Variants in ZNF512 observed in about 807,000 individuals in gnomAD.
ZNF512 encodes the protein zinc finger protein 512.
A neutral mutation model predicts 77.5 loss-of-function variants in ZNF512; 25 were observed. The observed-to-expected ratio is 0.32, with a 90% CI of 0.23 to 0.45. The LOEUF is 0.45. Among genes scored for constraint, ZNF512 ranks in the 20% least tolerant of loss-of-function variants. ZNF512 has a pLI of 1.00. For missense variants in ZNF512, 483 were observed against 692.6 expected, an observed-to-expected ratio of 0.70 and a Z score of 3.40; for synonymous variants, 246 against 239.9, an observed-to-expected ratio of 1.03 and a Z score of -0.24.
chr2:27,603,339 G>A, intron 9 of ZNF512, 32 bp downstream of exon 9: 1 of 1,608,322 alleles, frequency 6.2e-7, no homozygotes. Context: ...TACCCTGCGT[G>A]GGGATGTATT....
chr2:27,610,542 G>GTATATATATATATATATA (rs1558474726), intron 10 of ZNF512, among the ~76,000 whole-genome samples: 1 of 42,018 alleles, frequency 2.4e-5, no homozygotes, highest in African/African-American at 1.3e-4. Flanking sequence ...ATATATGTGT[G>GTATATATATATATATATA]TGTATATATA....
In ZNF512 at chr2:27,583,269, G is replaced by C. The variant is rs1457763229; in HGVS notation, c.30+127G>C. 5.6e-6 allele frequency: 8 copies of C among 1,427,184 alleles called. No individual in the cohort carries two copies. In the Admixed American group the frequency reaches 1.4e-4, roughly 24 times the overall value. The allele number at this position is 1,427,184 out of a possible 1,614,324, so 88.4% of individuals were successfully genotyped here. A position where few individuals can be genotyped will look rare whatever the true frequency, so the allele number is the denominator to read the frequency against. On this transcript the variant is annotated intron_variant, in intron 1 of 13. Coordinates refer to ENST00000355467, the MANE Select transcript of ZNF512 (RefSeq NM_032434.4). ...GGCCATCGTAGGCCCCACCCTTCTAGATCAGATCACCTGTCCCTTTTTCTT... is the reference window on the plus strand; with the variant it reads ...GGCCATCGTAGGCCCCACCCTTCTACATCAGATCACCTGTCCCTTTTTCTT...
chr2:27,617,447 C>CT, intron 12 of ZNF512, 26 bp from the exon 13 acceptor site: 1 of 933,098 alleles, frequency 1.1e-6, no homozygotes, highest in Non-Finnish European at 1.8e-6. Flanking sequence ...ACCAGTAATT[C>CT]TTTTTTGTTT....
chr2:27,610,955 T>C (rs551828956), intron 10 of ZNF512, among the ~76,000 whole-genome samples: 49 of 152,272 alleles, frequency 3.2e-4, no homozygotes, highest in African/African-American at 1.1e-3. Flanking sequence ...GTAGATAACA[T>C]ATTCTTCAAA....
chr2:27,594,422 C>T (rs1203049802), intron 2 of ZNF512, among the ~76,000 whole-genome samples: 9 of 142,676 alleles, frequency 6.3e-5, no homozygotes, highest in African/African-American at 1.8e-4. Flanking sequence ...GACGGGGTGG[C>T]GGCTGGGCAG....
intron 7 of ZNF512, 146 bp downstream of exon 7, chr2:27,601,588 C>T: frequency 1.5e-6 from 1 of 666,352 alleles, no homozygotes. Flanking sequence ...ATTCTCGTGT[C>T]TCAGCCCCTT....
At chr2:27,583,326 C>A in intron 1 of ZNF512, 184 bp downstream of exon 1, 1 of 1,272,526 alleles carries the variant, frequency 7.9e-7, no homozygotes, top group East Asian at 2.4e-5. Flanking sequence ...TCCCCACCTC[C>A]TTGGATTTAA....
intron 2 of ZNF512, 95 bp from the exon 3 acceptor site, chr2:27,597,972 C>A: frequency 1.0e-6 from 1 of 975,594 alleles, no homozygotes; most frequent in Non-Finnish European, 1.5e-6. Context: ...TCTTAGTTTT[C>A]TGCAGAGGTA....
chr2:27,590,151 G>A (rs917851178), intron 2 of ZNF512, among the ~76,000 whole-genome samples: 3 of 152,118 alleles, frequency 2.0e-5, no homozygotes, highest in Non-Finnish European at 4.4e-5. Flanking sequence ...AAAGGGGGAG[G>A]TCTTAAATTT....
intron 2 of ZNF512, among the ~76,000 whole-genome samples, chr2:27,594,946 C>T (rs1456729226): frequency 2.0e-5 from 3 of 152,190 alleles, no homozygotes; most frequent in Non-Finnish European, 4.4e-5. Flanking sequence ...CTGGTCAACA[C>T]GGCGAAACCC....
chr2:27,620,335 G>A (rs956366789), intron 13 of ZNF512, among the ~76,000 whole-genome samples: 2 of 152,138 alleles, frequency 1.3e-5, no homozygotes, highest in African/African-American at 4.8e-5. Flanking sequence ...ATTGCATGGT[G>A]CAAGACTAAA....
intron 10 of ZNF512, among the ~76,000 whole-genome samples, chr2:27,610,654 C>A (rs1473898780): frequency 7.8e-6 from 1 of 127,566 alleles, no homozygotes; most frequent in Non-Finnish European, 1.6e-5. Context: ...GATCTCGGTT[C>A]ACTGCATCCT....
chr2:27,586,373 G>A (rs763457806), intron 2 of ZNF512, among the ~76,000 whole-genome samples: 2 of 152,140 alleles, frequency 1.3e-5, no homozygotes, highest in Non-Finnish European at 2.9e-5. Flanking sequence ...GGGATTACAG[G>A]TGCACACCGC....
intron 2 of ZNF512, among the ~76,000 whole-genome samples, chr2:27,594,887 G>A (rs1234168056): frequency 6.6e-6 from 1 of 152,204 alleles, no homozygotes; most frequent in Non-Finnish European, 1.5e-5. Context: ...CCAGCACCTC[G>A]GGAGGCGGAG....
chr2:27,600,297 CAGTT>C (rs1672059237), intron 5 of ZNF512, among the ~76,000 whole-genome samples: 1 of 152,132 alleles, frequency 6.6e-6, no homozygotes, highest in Non-Finnish European at 1.5e-5. Context: ...GTAATAAAGG[CAGTT>C]AGAATTATTT....
chr2:27,619,436 G>A lies in ZNF512; in HGVS notation c.1396-1717G>A, dbSNP rs555627020. ...GGTAATTATCTCCTGACAAAATCTGGCCTTTATATAGTTAAATGGTTTGTC... is the reference window on the plus strand; with the variant it reads ...GGTAATTATCTCCTGACAAAATCTGACCTTTATATAGTTAAATGGTTTGTC... On this transcript the variant is annotated intron_variant, in intron 13 of 13. Transcript: ENST00000355467. Among the ~76,000 whole-genome samples the A allele has an allele frequency of 8.5e-5, 13 of 152,228 alleles. 1 individual carries two copies. The highest frequency in any genetic ancestry group is 3.1e-4 in the African/African-American group (13 of 41,530).
intron 2 of ZNF512, among the ~76,000 whole-genome samples, chr2:27,587,755 C>T (rs1380269746): frequency 6.6e-6 from 1 of 151,580 alleles, no homozygotes; most frequent in East Asian, 1.9e-4. Flanking sequence ...AATCTCGGCT[C>T]ACTGCAACCT....
chr2:27,597,665 C>T (rs538285893), intron 2 of ZNF512, among the ~76,000 whole-genome samples: 3 of 152,258 alleles, frequency 2.0e-5, no homozygotes, highest in East Asian at 3.9e-4. Flanking sequence ...ATTCCTTTCC[C>T]TTAGAGATAC....
In ZNF512 at chr2:27,617,547, T is replaced by C; in HGVS notation, c.1371T>C (p.Tyr457=). The C allele has an allele frequency of 7.4e-7, 1 of 1,351,978 alleles. No individual in the cohort carries two copies. The highest frequency in any genetic ancestry group is 1.1e-6 in the Non-Finnish European group (1 of 940,754). 83.7% of individuals were successfully genotyped at this position (1,351,978 alleles called of 1,614,324 possible). A position where few individuals can be genotyped will look rare whatever the true frequency, so the allele number is the denominator to read the frequency against. The change falls in exon 13 of 14, where the codon TAT becomes TAC. Residue 457 remains tyrosine (Y), a synonymous_variant. Transcript: ENST00000355467. The part of the protein sequence containing the change: ...KEFVSESGVK[Y]HINSVHAEDW... ...TTGTGTCAGAGAGTGGTGTCAAGTA[T>C]CACATCAACTCCGTCCATGCTGAGG... is the stretch of plus-strand genomic sequence containing the variant.
Sources: gnomAD v4.1 joint callset for allele counts (sites outside exome capture counted in the v4.1 genomes callset) on GRCh38, gnomAD v4.1.1 for gene constraint, MANE v1.5 for transcripts, NCBI Gene and HGNC (gene_info 2026-07-23, HGNC 2026-07-21) for gene names.